MTUS2: variants seen among roughly 807,000 people sequenced by gnomAD.
MTUS2 encodes the protein microtubule-associated tumor suppressor candidate 2.
A neutral mutation model predicts 114.1 loss-of-function variants in MTUS2; 40 were observed. The observed-to-expected ratio is 0.35, with a 90% CI of 0.27 to 0.46. The LOEUF is 0.46. Among genes scored for constraint, MTUS2 ranks in the 20% least tolerant of loss-of-function variants. The pLI, the probability that MTUS2 is intolerant of heterozygous loss-of-function variation, is 1.00. For missense variants in MTUS2, 1,679 were observed against 1,705.4 expected, an observed-to-expected ratio of 0.98 and a Z score of 0.27; for synonymous variants, 688 against 672.0, an observed-to-expected ratio of 1.02 and a Z score of -0.37.
intron 5 of MTUS2, among the ~76,000 whole-genome samples, chr13:29,232,050 G>A (rs991672461): frequency 1.8e-4 from 28 of 152,152 alleles, no homozygotes; most frequent in African/African-American, 6.5e-4. Flanking sequence ...TGGCCTAAGA[G>A]TTGTATAGGC....
chr13:29,317,798 A>G (rs1174130953), intron 6 of MTUS2, among the ~76,000 whole-genome samples: 1 of 152,130 alleles, frequency 6.6e-6, no homozygotes, highest in Non-Finnish European at 1.5e-5. Context: ...TCTGATCGAG[A>G]TAATGTTTCC....
chr13:29,094,651 C>G (rs1032148199), intron 4 of MTUS2, among the ~76,000 whole-genome samples: 1 of 151,784 alleles, frequency 6.6e-6, no homozygotes, highest in Non-Finnish European at 1.5e-5. Context: ...CATTGGCTTT[C>G]TCTCCTGTTT....
At chr13:29,091,518 G>A (rs1889948735) in intron 4 of MTUS2, among the ~76,000 whole-genome samples, 1 of 151,384 alleles carries the variant, frequency 6.6e-6, no homozygotes, top group South Asian at 2.1e-4. Flanking sequence ...TTCCATTAAT[G>A]ACCACTCTTT....
chr13:29,502,676 T>A (rs1265708699), intron 15 of MTUS2, among the ~76,000 whole-genome samples: 1 of 152,252 alleles, frequency 6.6e-6, no homozygotes, highest in Non-Finnish European at 1.5e-5. Flanking sequence ...CCGGGCAGCA[T>A]ACCCACTCCA....
chr13:28,869,402 G>T (rs773770141), intron 2 of MTUS2, among the ~76,000 whole-genome samples: 2 of 152,110 alleles, frequency 1.3e-5, no homozygotes, highest in Non-Finnish European at 1.5e-5. Context: ...ATAGATTTTG[G>T]TCCATTTGTA....
At chr13:28,907,563 C>A (rs1566214309) in intron 2 of MTUS2, among the ~76,000 whole-genome samples, 1 of 151,142 alleles carries the variant, frequency 6.6e-6, no homozygotes, top group Non-Finnish European at 1.5e-5. Context: ...GGAAGATCTG[C>A]CAAGCAAATG....
At chr13:29,055,701 C>A (rs1177759807) in intron 4 of MTUS2, among the ~76,000 whole-genome samples, 1 of 152,082 alleles carries the variant, frequency 6.6e-6, no homozygotes, top group East Asian at 1.9e-4. Flanking sequence ...CTTTTCTCTG[C>A]AACCTCACCA....
chr13:28,877,607 CAGTTA>C (rs1442263605), intron 2 of MTUS2, among the ~76,000 whole-genome samples: 1 of 152,032 alleles, frequency 6.6e-6, no homozygotes, highest in African/African-American at 2.4e-5. Context: ...GAAACTTGTT[CAGTTA>C]AAAGAAGTGA....
intron 6 of MTUS2, among the ~76,000 whole-genome samples, chr13:29,322,084 G>A (rs1353054152): frequency 1.3e-5 from 2 of 152,156 alleles, no homozygotes; most frequent in Non-Finnish European, 2.9e-5. Flanking sequence ...ATTTATAGAA[G>A]TGGAATTGCA....
intron 2 of MTUS2, among the ~76,000 whole-genome samples, chr13:28,937,107 G>A (rs1055822354): frequency 6.6e-6 from 1 of 151,720 alleles, no homozygotes; most frequent in African/African-American, 2.4e-5. Flanking sequence ...GTGATTTTGA[G>A]AGGTGAAGCC....
At chr13:29,470,131 A>G (rs1317377057) in intron 9 of MTUS2, among the ~76,000 whole-genome samples, 1 of 152,134 alleles carries the variant, frequency 6.6e-6, no homozygotes, top group Admixed American at 6.6e-5. Context: ...AGGGAGAAAA[A>G]CACAACTATT....
intron 2 of MTUS2, among the ~76,000 whole-genome samples, chr13:28,972,875 G>A (rs752632217): frequency 6.6e-6 from 1 of 152,148 alleles, no homozygotes; most frequent in Non-Finnish European, 1.5e-5. Flanking sequence ...TAAGAGAAAT[G>A]TTCAGGCAGA....
At chr13:29,011,912 G>A (rs1224312129) in intron 2 of MTUS2, among the ~76,000 whole-genome samples, 1 of 152,162 alleles carries the variant, frequency 6.6e-6, no homozygotes, top group Non-Finnish European at 1.5e-5. Flanking sequence ...GAAAGGATAT[G>A]AGCTTCTGAT....
Position 29,503,257 on chromosome 13 carries a change from C to G in MTUS2, c.*51C>G. 5.6e-6 allele frequency: 9 copies of G among 1,592,940 alleles called. No individual in the cohort carries two copies. Among genetic ancestry groups the G allele is most frequent in the Non-Finnish European group, 7.7e-6 (9 of 1,166,812 alleles). ...CCGGCTTCTCGTCCTCCGGTCTCCACCCTGAGGGAGCACCGACCCGGTGCC... is the reference window on the plus strand; with the variant it reads ...CCGGCTTCTCGTCCTCCGGTCTCCAGCCTGAGGGAGCACCGACCCGGTGCC... On this transcript the variant is annotated 3_prime_UTR_variant, in exon 16 of 16. Transcript: ENST00000612955.
At chr13:28,932,914 G>C (rs1301874124) in intron 2 of MTUS2, among the ~76,000 whole-genome samples, 1 of 151,990 alleles carries the variant, frequency 6.6e-6, no homozygotes, top group Admixed American at 6.6e-5. Flanking sequence ...ATAAATTGCA[G>C]CTATTTTAAA....
chr13:29,154,116 C>G (rs1394389755), intron 5 of MTUS2, among the ~76,000 whole-genome samples: 1 of 152,194 alleles, frequency 6.6e-6, no homozygotes, highest in African/African-American at 2.4e-5. Context: ...TGTCTCGTAG[C>G]TCACCGGTAG....
In MTUS2 at chr13:29,239,429, C is replaced by G. The variant is rs188453076; in HGVS notation, c.2645-42275C>G. ...GTCTGAGTTGACAGTGATACCAATA[C>G]CATGGCTAATGGTTCAGTTCTGGGC... On this transcript the variant is annotated intron_variant, in intron 5 of 15. Transcript: ENST00000612955. 5 of 152,264 alleles carry G rather than the reference C, an allele frequency of 3.3e-5. No homozygotes were observed. In the East Asian group the frequency reaches 9.7e-4, roughly 29 times the overall value. The allele number at this position is 152,264 out of a possible 1,614,324, so 9.4% of individuals were successfully genotyped here.
chr13:28,940,864 G>A (rs1439495218), intron 2 of MTUS2, among the ~76,000 whole-genome samples: 1 of 152,044 alleles, frequency 6.6e-6, no homozygotes, highest in African/African-American at 2.4e-5. Context: ...ATGAGTGGGG[G>A]ATGGAGGCTG....
chr13:29,034,283 T>C (rs777198543), intron 4 of MTUS2, among the ~76,000 whole-genome samples, 158 bp downstream of exon 4: 1 of 152,212 alleles, frequency 6.6e-6, no homozygotes, highest in Non-Finnish European at 1.5e-5. Flanking sequence ...TTTGTGAAAC[T>C]CATCTGTGTG....
Sources: gnomAD v4.1 joint callset for allele counts (sites outside exome capture counted in the v4.1 genomes callset) on GRCh38, gnomAD v4.1.1 for gene constraint, MANE v1.5 for transcripts, NCBI Gene and HGNC (gene_info 2026-07-23, HGNC 2026-07-21) for gene names.